ZBBX: variants seen among roughly 807,000 people sequenced by gnomAD.
The protein encoded by ZBBX is zinc finger B-box domain-containing protein 1.
A neutral mutation model predicts 108.5 loss-of-function variants in ZBBX; 101 were observed. The ratio of observed to expected loss-of-function variants is 0.93; its 90% CI spans 0.79 to 1.10. The LOEUF is 1.10. ZBBX is among the 50% of genes least tolerant of loss of function. The probability of loss-of-function intolerance (pLI) is 0.00; values close to 1 mark genes in which losing one functional copy is unlikely to be tolerated. For synonymous variants in ZBBX, 356 were observed against 323.4 expected, an observed-to-expected ratio of 1.10 and a Z score of -1.08; for missense variants, 1,009 against 941.4, an observed-to-expected ratio of 1.07 and a Z score of -0.94.
At chr3:167,320,223 G>A (rs1296457164) in intron 12 of ZBBX, among the ~76,000 whole-genome samples, 2 of 111,246 alleles carry the variant, frequency 1.8e-5, no homozygotes, top group Non-Finnish European at 3.7e-5. Context: ...AAAAAAAAGA[G>A]ATGTTCAAAG....
At chr3:167,250,300 A>G (rs138905290) in intron 20 of ZBBX, among the ~76,000 whole-genome samples, 2,164 of 152,182 alleles carry the variant, frequency 0.014, 27 homozygotes, top group South Asian at 0.026. Flanking sequence ...ACAAACCCCA[A>G]AATTCCCAGG....
At chr3:167,248,691 A>G (rs1722029991) in intron 20 of ZBBX, 2 of 456,524 alleles carry the variant, frequency 4.4e-6, no homozygotes, top group Non-Finnish European at 8.8e-6. Flanking sequence ...AAGCCAGGCA[A>G]CAGGTATAAT....
chr3:167,205,568 T>G, the ZBBX span, among the ~76,000 whole-genome samples: 2 of 152,128 alleles, frequency 1.3e-5, no homozygotes, highest in Admixed American at 6.6e-5. Flanking sequence ...CAGCTAACAT[T>G]TATGCAGGAC....
intron 2 of ZBBX, among the ~76,000 whole-genome samples, chr3:167,379,150 A>G (rs984572276): frequency 5.9e-5 from 9 of 152,100 alleles, no homozygotes; most frequent in African/African-American, 2.2e-4. Flanking sequence ...TCCCACTTCA[A>G]CTAAACTTTT....
the ZBBX span, among the ~76,000 whole-genome samples, chr3:167,199,437 A>G: frequency 1.2e-4 from 18 of 152,322 alleles, no homozygotes; most frequent in East Asian, 3.5e-3. Flanking sequence ...CCTCCTGGGA[A>G]TTATATACAG....
the ZBBX span, among the ~76,000 whole-genome samples, chr3:167,199,153 C>T: frequency 6.6e-6 from 1 of 152,046 alleles, no homozygotes; most frequent in Non-Finnish European, 1.5e-5. Context: ...GATGAACAGG[C>T]CACCTTTGTG....
At chr3:167,287,303 G>A (rs1729881212) in intron 19 of ZBBX, among the ~76,000 whole-genome samples, 1 of 151,910 alleles carries the variant, frequency 6.6e-6, no homozygotes, top group Non-Finnish European at 1.5e-5. Flanking sequence ...TCAAAATATG[G>A]TATTCAGACT....
In ZBBX at chr3:167,322,228, T is replaced by C; in HGVS notation, c.872A>G (p.Glu291Gly). 1 of 1,456,350 alleles carries C rather than the reference T, an allele frequency of 6.9e-7. No homozygotes were observed. Among genetic ancestry groups the C allele is most frequent in the Non-Finnish European group, 9.1e-7 (1 of 1,104,436 alleles). The allele number at this position is 1,456,350 out of a possible 1,614,324, so 90.2% of individuals were successfully genotyped here. The change falls in exon 12 of 22, where the codon GAA becomes GGA. Residue 291 changes from glutamate to glycine, a missense_variant. Glu to Gly is a moderately conservative substitution (Grantham distance 98). Coordinates refer to ENST00000675490, the MANE Select transcript of ZBBX (RefSeq NM_001199201.2). ...CAGATTAGTCTGTACTTCGCATTCT[T>C]CCAATGAGTCTGTAAAAATAAACAC... ...NLHAAVKDSL[E>G]ECEVQTNLKI...
intron 20 of ZBBX, among the ~76,000 whole-genome samples, chr3:167,264,267 T>C (rs1360973090): frequency 6.6e-6 from 1 of 152,210 alleles, no homozygotes; most frequent in Non-Finnish European, 1.5e-5. Context: ...GGTTGTTTTG[T>C]AGTCTTCTCT....
chr3:167,275,749 C>T (rs892581778), intron 20 of ZBBX, among the ~76,000 whole-genome samples: 2 of 152,306 alleles, frequency 1.3e-5, no homozygotes, highest in Non-Finnish European at 2.9e-5. Flanking sequence ...CAAAGCAGCC[C>T]AGAAGCTCGA....
chr3:167,198,147 C>T, the ZBBX span, among the ~76,000 whole-genome samples: 1 of 151,710 alleles, frequency 6.6e-6, no homozygotes, highest in Admixed American at 6.6e-5. Flanking sequence ...TAGATGAAAC[C>T]ATAATAACCT....
At chr3:167,346,325 T>C (rs1178477599) in intron 9 of ZBBX, among the ~76,000 whole-genome samples, 1 of 151,830 alleles carries the variant, frequency 6.6e-6, no homozygotes, top group East Asian at 1.9e-4. Context: ...TACAAATCAA[T>C]CATAAATCAA....
chr3:167,234,196 G>A, the ZBBX span, among the ~76,000 whole-genome samples: 1 of 151,776 alleles, frequency 6.6e-6, no homozygotes, highest in Non-Finnish European at 1.5e-5. Flanking sequence ...TGGCTCTACT[G>A]TACTAATATT....
the ZBBX span, among the ~76,000 whole-genome samples, chr3:167,185,491 A>G: frequency 1.3e-5 from 2 of 152,166 alleles, no homozygotes; most frequent in Non-Finnish European, 2.9e-5. Context: ...ATAATTACAA[A>G]ATAAAAATCG....
Position 167,333,980 on chromosome 3 carries a change from T to C in ZBBX, c.534A>G (p.Lys178=). 1 of 1,546,210 alleles carries C rather than the reference T, an allele frequency of 6.5e-7. No homozygotes were observed. The highest frequency in any genetic ancestry group is 8.7e-7 in the Non-Finnish European group (1 of 1,149,622). The part of the protein sequence containing the change: ...KLHRTTLLQA[K]SQILFNVLDV... ...CCAATACATTGAATAATATTTGAGA[T>C]TTTGCCTATTAAAAAAGTAACAATA... is the stretch of plus-strand genomic sequence containing the variant. Residue 178 remains lysine (K), a synonymous_variant, in exon 10 of 22, where the codon AAA becomes AAG. Coordinates refer to ENST00000675490, the MANE Select transcript of ZBBX (RefSeq NM_001199201.2).
chr3:167,210,054 C>A, the ZBBX span, among the ~76,000 whole-genome samples: 1 of 151,896 alleles, frequency 6.6e-6, no homozygotes, highest in Non-Finnish European at 1.5e-5. Context: ...CATGCCACTG[C>A]ACTCCAGCCT....
chr3:167,184,795 A>G, the ZBBX span, among the ~76,000 whole-genome samples: 1 of 152,302 alleles, frequency 6.6e-6, no homozygotes, highest in Non-Finnish European at 1.5e-5. Context: ...TTGGTAATAC[A>G]GCCCATAAAA....
chr3:167,337,360 A>G (rs1297683176), intron 9 of ZBBX, among the ~76,000 whole-genome samples: 1 of 152,112 alleles, frequency 6.6e-6, no homozygotes, highest in Non-Finnish European at 1.5e-5. Context: ...CCTACTAAAA[A>G]TACAAAAAAT....
chr3:167,288,815 C>G, intron 19 of ZBBX, 52 bp downstream of exon 19: 1 of 1,303,562 alleles, frequency 7.7e-7, no homozygotes. Context: ...AAGCAAACTA[C>G]TAAAGGAAGT....
Sources: allele counts gnomAD v4.1 joint callset (sites outside exome capture counted in the v4.1 genomes callset), GRCh38; gene constraint gnomAD v4.1.1; transcripts MANE v1.5; gene names NCBI Gene and HGNC (gene_info 2026-07-23, HGNC 2026-07-21).